Variants in PPP3CC observed in about 807,000 individuals in gnomAD.
PPP3CC encodes serine/threonine-protein phosphatase 2B catalytic subunit gamma isoform.
A neutral mutation model predicts 60.3 loss-of-function variants in PPP3CC; 35 were observed. The ratio of observed to expected loss-of-function variants is 0.58; its 90% CI spans 0.44 to 0.77. The LOEUF (loss-of-function observed/expected upper bound fraction) is 0.77. PPP3CC is among the 30% of genes least tolerant of loss of function. PPP3CC has a pLI of 0.00. For synonymous variants in PPP3CC, 206 were observed against 224.3 expected, an observed-to-expected ratio of 0.92 and a Z score of 0.73; for missense variants, 570 against 628.9, an observed-to-expected ratio of 0.91 and a Z score of 1.00.
At chr8:22,525,288 C>A (rs1839509061) in intron 8 of PPP3CC, among the ~76,000 whole-genome samples, 1 of 152,082 alleles carries the variant, frequency 6.6e-6, no homozygotes, top group South Asian at 2.1e-4. Context: ...AGGAAAAAGG[C>A]AGAAAATGTG....
At chr8:22,522,871 G>A in intron 8 of PPP3CC, 122 bp downstream of exon 8, 2 of 736,250 alleles carry the variant, frequency 2.7e-6, no homozygotes, top group East Asian at 5.8e-5. Flanking sequence ...AGAAAAAAAG[G>A]GGTCTTAGTT....
intron 3 of PPP3CC, among the ~76,000 whole-genome samples, chr8:22,497,365 G>A (rs1838621899): frequency 6.6e-6 from 1 of 150,526 alleles, no homozygotes; most frequent in Admixed American, 6.6e-5. Context: ...GTCTCCCTAT[G>A]TTGCCCAGGT....
At position 22,499,744 on chromosome 8, in the gene PPP3CC, A is replaced by G. The variant is rs76675293; in HGVS notation, c.484+1632A>G. ...TTAGTTCTTCTTTTCCCAGATCTCT[A>G]TCTGCGTATAAGACATACATTCTAT... On this transcript the variant is annotated intron_variant, in intron 4 of 13. Transcript: ENST00000240139. Among the ~76,000 whole-genome samples the G allele has an allele frequency of 2.9e-3, 437 of 152,338 alleles. 15 individuals carry two copies. The East Asian group carries it at 0.072, about 25-fold the overall frequency.
chr8:22,503,703 A>G (rs1838829006), intron 4 of PPP3CC, among the ~76,000 whole-genome samples: 1 of 152,186 alleles, frequency 6.6e-6, no homozygotes, highest in Non-Finnish European at 1.5e-5. Context: ...CCTTTTGCCC[A>G]GAATTTCTTA....
intron 3 of PPP3CC, 72 bp downstream of exon 3, chr8:22,475,696 GA>G (rs747014303): frequency 1.4e-6 from 2 of 1,408,870 alleles, no homozygotes; most frequent in East Asian, 2.5e-5. Context: ...TTCTTCAGTA[GA>G]AGAAATTAAA....
rs61332891 is a variant in PPP3CC, at chr8:22,528,419, A to T, written c.1070-87A>T. 8.2e-4 allele frequency: 672 copies of T among 819,514 alleles called. 8 individuals are homozygous for T. In the East Asian group the frequency reaches 0.014, roughly 18 times the overall value. The allele number at this position is 819,514 out of a possible 1,614,324, so 50.8% of individuals were successfully genotyped here. On this transcript the variant is annotated intron_variant, in intron 9 of 13. Coordinates refer to ENST00000240139, the MANE Select transcript of PPP3CC (RefSeq NM_005605.5). ...AATAATTTTTGCTTATGCTTACTTA[A>T]CATGTGTGTTTATTTAGATATCCAC... is the stretch of plus-strand genomic sequence containing the variant.
At chr8:22,522,630 A>C (rs770157766) in intron 7 of PPP3CC, 25 bp from the exon 8 acceptor site, 1 of 1,591,552 alleles carries the variant, frequency 6.3e-7, no homozygotes, top group South Asian at 1.1e-5. Flanking sequence ...ATATGCAGAC[A>C]GATGGACTTT....
chr8:22,442,889 G>T (rs968594145), intron 1 of PPP3CC, among the ~76,000 whole-genome samples: 1 of 152,082 alleles, frequency 6.6e-6, no homozygotes. Flanking sequence ...AAATGACTTC[G>T]CAATGCTATA....
intron 6 of PPP3CC, among the ~76,000 whole-genome samples, chr8:22,521,927 G>T (rs1171168794): frequency 1.4e-5 from 2 of 148,062 alleles, no homozygotes; most frequent in Non-Finnish European, 3.0e-5. Context: ...TTGCACCACT[G>T]CACTCCAGCC....
At chr8:22,456,531 C>T (rs556335144) in intron 1 of PPP3CC, among the ~76,000 whole-genome samples, 24 of 152,320 alleles carry the variant, frequency 1.6e-4, no homozygotes, top group African/African-American at 5.8e-4. Flanking sequence ...CAGTATCCCA[C>T]ACCACCACAC....
chr8:22,459,068 A>ATT (rs1028319142), intron 1 of PPP3CC, among the ~76,000 whole-genome samples: 1 of 145,884 alleles, frequency 6.9e-6, no homozygotes, highest in Non-Finnish European at 1.5e-5. Flanking sequence ...TACATTTGTA[A>ATT]TTTTTTTTTT....
At chr8:22,470,130 C>CT (rs917091960) in intron 1 of PPP3CC, among the ~76,000 whole-genome samples, 2 of 149,738 alleles carry the variant, frequency 1.3e-5, no homozygotes, top group African/African-American at 4.9e-5. Context: ...TTTATGTTTT[C>CT]TTTTTTTTAG....
At chr8:22,441,825 T>C (rs1418603233) in intron 1 of PPP3CC, among the ~76,000 whole-genome samples, 2 of 152,134 alleles carry the variant, frequency 1.3e-5, no homozygotes, top group African/African-American at 4.8e-5. Context: ...AAGTAAGATA[T>C]TTAAGATTAG....
intron 1 of PPP3CC, among the ~76,000 whole-genome samples, chr8:22,463,465 G>A (rs1163142706): frequency 6.6e-6 from 1 of 152,210 alleles, no homozygotes; most frequent in Non-Finnish European, 1.5e-5. Flanking sequence ...TTAGATGAAT[G>A]TAAGGAAGAA....
chr8:22,505,528 G>A (rs922031719), intron 4 of PPP3CC, among the ~76,000 whole-genome samples: 3 of 152,036 alleles, frequency 2.0e-5, no homozygotes, highest in South Asian at 2.1e-4. Flanking sequence ...TCCATAAAGC[G>A]AAATACTAGG....
chr8:22,524,596 A>G (rs1194178038), intron 8 of PPP3CC, among the ~76,000 whole-genome samples: 1 of 152,056 alleles, frequency 6.6e-6, no homozygotes, highest in African/African-American at 2.4e-5. Context: ...AATGGTGTGG[A>G]CTGTTTGTGT....
In PPP3CC at chr8:22,521,304, G is replaced by A. The variant is rs375729950; in HGVS notation, c.771-1187G>A. Among the ~76,000 whole-genome samples the A allele has an allele frequency of 3.2e-4, 49 of 152,356 alleles. No homozygotes were observed. The South Asian group carries it at 0.01, about 32-fold the overall frequency. ...CAGGTCAGAGTGCTGCTTTGAGTCT[G>A]CAGTTGGGTCTGGTTGGTGGATCTG... On this transcript the variant is annotated intron_variant, in intron 6 of 13. Coordinates refer to ENST00000240139, the MANE Select transcript of PPP3CC (RefSeq NM_005605.5).
chr8:22,454,875 T>C (rs781726218), intron 1 of PPP3CC, among the ~76,000 whole-genome samples: 1 of 151,656 alleles, frequency 6.6e-6, no homozygotes, highest in Non-Finnish European at 1.5e-5. Flanking sequence ...GAGACCACGG[T>C]GAAACCCCAT....
chr8:22,531,070 G>GAAT (rs1839701446), intron 10 of PPP3CC, among the ~76,000 whole-genome samples: 2 of 152,196 alleles, frequency 1.3e-5, no homozygotes, highest in Non-Finnish European at 2.9e-5. Flanking sequence ...GTGAATTAAT[G>GAAT]TAAAACCATA....
Sources: gnomAD v4.1 joint callset for allele counts (sites outside exome capture counted in the v4.1 genomes callset) on GRCh38, gnomAD v4.1.1 for gene constraint, MANE v1.5 for transcripts, NCBI Gene and HGNC (gene_info 2026-07-23, HGNC 2026-07-21) for gene names.